STARD6: variants seen among roughly 807,000 people sequenced by gnomAD.
STARD6 encodes the protein StAR related lipid transfer domain containing 6, also known as stAR-related lipid transfer protein 6.
In STARD6, 21 loss-of-function variants were observed where a neutral mutation model predicts 22.3. The ratio of observed to expected loss-of-function variants is 0.94; its 90% CI spans 0.67 to 1.35. The LOEUF (loss-of-function observed/expected upper bound fraction) is 1.35. STARD6 is among the 40% of genes most tolerant of loss of function. STARD6 has a pLI of 0.00. For missense variants in STARD6, 269 were observed against 266.9 expected (o/e 1.01, Z -0.05); for synonymous variants, 80 against 88.1 (o/e 0.91, Z 0.52).
intron 4 of STARD6, among the ~76,000 whole-genome samples, chr18:54,339,423 A>T (rs991145398): frequency 3.9e-5 from 6 of 152,012 alleles, no homozygotes; most frequent in Admixed American, 3.9e-4. Flanking sequence ...CCACTTCCAG[A>T]TATATCATAG....
chr18:54,329,298 G>C, intron 7 of STARD6, 49 bp downstream of exon 7: 1 of 1,436,294 alleles, frequency 7.0e-7, no homozygotes, highest in Non-Finnish European at 9.4e-7. Flanking sequence ...TAAATCACAA[G>C]TTGAACTAAA....
chr18:54,348,492 T>C (rs2089059923), intron 4 of STARD6, among the ~76,000 whole-genome samples: 1 of 152,130 alleles, frequency 6.6e-6, no homozygotes, highest in Non-Finnish European at 1.5e-5. Flanking sequence ...AGTACAGCCT[T>C]TGAGGTAAAG....
At chr18:54,347,851 G>T (rs762865631) in intron 4 of STARD6, among the ~76,000 whole-genome samples, 1 of 151,998 alleles carries the variant, frequency 6.6e-6, no homozygotes, top group African/African-American at 2.4e-5. Context: ...GATATGGGTT[G>T]GTTCTGTATC....
At chr18:54,326,398 C>A (rs957440669) in intron 7 of STARD6, among the ~76,000 whole-genome samples, 2 of 139,874 alleles carry the variant, frequency 1.4e-5, no homozygotes, top group Non-Finnish European at 3.0e-5. Flanking sequence ...GTGGAGTGAT[C>A]TGGGATCACT....
At chr18:54,348,961 T>C (rs964333905) in intron 4 of STARD6, among the ~76,000 whole-genome samples, 15 of 152,160 alleles carry the variant, frequency 9.9e-5, no homozygotes, top group African/African-American at 3.4e-4. Context: ...ATAATATAAC[T>C]GAAGTCCATA....
intron 4 of STARD6, among the ~76,000 whole-genome samples, chr18:54,338,775 C>T (rs984226333): frequency 6.6e-6 from 1 of 151,062 alleles, no homozygotes; most frequent in Non-Finnish European, 1.5e-5. Context: ...TTTGGACGGG[C>T]GCAGTGGCTC....
chr18:54,346,982 A>T (rs1472573990), intron 4 of STARD6, among the ~76,000 whole-genome samples: 1 of 152,104 alleles, frequency 6.6e-6, no homozygotes, highest in Non-Finnish European at 1.5e-5. Context: ...AATTATGGTG[A>T]TCCTGGTACA....
At chr18:54,335,157 C>T (rs942203400) in intron 5 of STARD6, among the ~76,000 whole-genome samples, 2 of 150,956 alleles carry the variant, frequency 1.3e-5, no homozygotes, top group African/African-American at 4.9e-5. Flanking sequence ...TCCCCCCATC[C>T]CTCCAGGTGG....
At chr18:54,344,032 G>A (rs1455291167) in intron 4 of STARD6, among the ~76,000 whole-genome samples, 2 of 47,068 alleles carry the variant, frequency 4.2e-5, no homozygotes, top group Non-Finnish European at 3.5e-5. Flanking sequence ...ACTGGGAAGT[G>A]AGGAGCCCCT....
At chr18:54,327,825 G>A (rs1021075679) in intron 7 of STARD6, among the ~76,000 whole-genome samples, 1 of 150,842 alleles carries the variant, frequency 6.6e-6, no homozygotes, top group African/African-American at 2.4e-5. Flanking sequence ...TTTTTACAGT[G>A]CCTCAAATGG....
Position 54,324,611 on chromosome 18 carries a change from A to T in STARD6, c.*81T>A. The T allele has an allele frequency of 7.4e-7, 1 of 1,343,996 alleles. No individual in the cohort carries two copies. The allele number at this position is 1,343,996 out of a possible 1,614,324, so 83.3% of individuals were successfully genotyped here. A position where few individuals can be genotyped will look rare whatever the true frequency, so the allele number is the denominator to read the frequency against. ...CTAGAATAGTTTAACAGTATTATTT[A>T]TGTGCGTTGACTTAGAAGTAAACAG... is the stretch of plus-strand genomic sequence containing the variant. On this transcript the variant is annotated 3_prime_UTR_variant, in exon 8 of 8. Coordinates refer to ENST00000307844, the MANE Select transcript of STARD6 (RefSeq NM_139171.2).
intron 5 of STARD6, among the ~76,000 whole-genome samples, chr18:54,336,133 T>C (rs1051932550): frequency 6.6e-6 from 1 of 152,218 alleles, no homozygotes; most frequent in African/African-American, 2.4e-5. Context: ...CTCTCAACTT[T>C]CTACTCCAAT....
chr18:54,354,236 G>T, intron 3 of STARD6, 133 bp from the exon 4 acceptor site: 1 of 636,268 alleles, frequency 1.6e-6, no homozygotes, highest in South Asian at 2.4e-5. Context: ...ATATTTTTCA[G>T]AGACAGGGTC....
intron 4 of STARD6, among the ~76,000 whole-genome samples, chr18:54,350,291 T>C (rs917518738): frequency 7.2e-5 from 11 of 152,144 alleles, no homozygotes; most frequent in Admixed American, 2.0e-4. Flanking sequence ...CTTTTGAGAA[T>C]TGTCTACGCA....
intron 2 of STARD6, among the ~76,000 whole-genome samples, chr18:54,355,036 C>G (rs2089131846): frequency 6.6e-6 from 1 of 152,166 alleles, no homozygotes; most frequent in Non-Finnish European, 1.5e-5. Flanking sequence ...GCATTATGAG[C>G]TGTTGGTTAT....
At chr18:54,341,080 G>A (rs2088964235) in intron 4 of STARD6, among the ~76,000 whole-genome samples, 1 of 152,182 alleles carries the variant, frequency 6.6e-6, no homozygotes, top group Admixed American at 6.5e-5. Flanking sequence ...TTTTGAGACA[G>A]AGTCTTGCTC....
chr18:54,349,727 T>C (rs552086788), intron 4 of STARD6, among the ~76,000 whole-genome samples: 1 of 152,314 alleles, frequency 6.6e-6, no homozygotes, highest in South Asian at 2.1e-4. Flanking sequence ...ATAGCTTAGC[T>C]TTCATTTATA....
In STARD6 at chr18:54,342,705, C is replaced by T. The variant is rs1370571183; in HGVS notation, c.141-5454G>A. ...CTCCAGCCCCTAACCGCGAGTGATCCGCCAACCTCGGCCTCCCGAGGTGCC... is the reference window on the plus strand; with the variant it reads ...CTCCAGCCCCTAACCGCGAGTGATCTGCCAACCTCGGCCTCCCGAGGTGCC... On this transcript the variant is annotated intron_variant, in intron 4 of 7. Transcript: ENST00000307844. 5.4e-5 allele frequency among the ~76,000 whole-genome samples: 5 copies of T among 93,386 alleles called. 1 individual carries two copies. The highest frequency in any genetic ancestry group is 8.2e-5 in the Non-Finnish European group (4 of 49,050). 61.3% of individuals were successfully genotyped at this position (93,386 alleles called of 152,430 possible). A position where few individuals can be genotyped will look rare whatever the true frequency, so the allele number is the denominator to read the frequency against.
Position 54,334,357 on chromosome 18 carries a change from G to A in STARD6, c.268-2498C>T, listed in dbSNP as rs185391815. Among the ~76,000 whole-genome samples the A allele has an allele frequency of 1.1e-3, 168 of 152,182 alleles. 5 individuals are homozygous for A. The South Asian group carries it at 0.031, about 28-fold the overall frequency. On this transcript the variant is annotated intron_variant, in intron 5 of 7. Transcript: ENST00000307844. Reference sequence around the variant, plus strand: ...ATAATCCATGCTCCTTTCAGCAGCTGTCTCTTAAAAGTGTAAATCAAATCA... The same window carrying A: ...ATAATCCATGCTCCTTTCAGCAGCTATCTCTTAAAAGTGTAAATCAAATCA...
Sources: gnomAD v4.1 joint callset for allele counts (sites outside exome capture counted in the v4.1 genomes callset) on GRCh38, gnomAD v4.1.1 for gene constraint, MANE v1.5 for transcripts, NCBI Gene and HGNC (gene_info 2026-07-23, HGNC 2026-07-21) for gene names.